SPTBN5: variants seen among roughly 807,000 people sequenced by gnomAD.
SPTBN5 encodes the protein spectrin beta, non-erythrocytic 5.
A neutral mutation model predicts 477.6 loss-of-function variants in SPTBN5; 513 were observed. The observed-to-expected ratio is 1.07, with a 90% CI of 1.00 to 1.16. SPTBN5 has a LOEUF of 1.16. Ranked by LOEUF, SPTBN5 falls within the 50% of genes most tolerant of loss-of-function variation. SPTBN5 has a pLI of 0.00. For synonymous variants in SPTBN5, 2,169 were observed against 2,011.7 expected, an observed-to-expected ratio of 1.08 and a Z score of -2.09; for missense variants, 5,062 against 4,731.8, an observed-to-expected ratio of 1.07 and a Z score of -2.05.
rs915486193 is a variant in SPTBN5, at chr15:41,852,068, C to T, written c.10584+114G>A. ...CCTAATGACCTTCAGCTCCTGTGCC[C>T]GGGCTCCCAGCACTGGCTCCAGGGT... On this transcript the variant is annotated intron_variant, in intron 62 of 67. Coordinates refer to ENST00000320955, the MANE Select transcript of SPTBN5 (RefSeq NM_016642.4). The T allele has an allele frequency of 5.5e-5, 74 of 1,342,058 alleles. No individual in the cohort carries two copies. In the African/African-American group the frequency reaches 8.9e-4, roughly 16 times the overall value. The allele number at this position is 1,342,058 out of a possible 1,614,324, so 83.1% of individuals were successfully genotyped here.
In SPTBN5 at chr15:41,857,052, A is replaced by C; in HGVS notation, c.8622-13T>G. The C allele has an allele frequency of 6.3e-7, 1 of 1,596,048 alleles. No homozygotes were observed. The highest frequency in any genetic ancestry group is 8.5e-7 in the Non-Finnish European group (1 of 1,171,880). On this transcript the variant is annotated splice_polypyrimidine_tract_variant and intron_variant, in intron 51 of 67. Transcript: ENST00000320955. ...CAGGCTCTTGAACCTGCAGCGGTGG[A>C]GGGTGGGACCAAGGGAGGCAGGGAC... is the stretch of plus-strand genomic sequence containing the variant.
rs770684341 is a variant in SPTBN5 at position 41,862,651 on chromosome 15, G to A, written c.7273C>T (p.Arg2425Cys). The A allele has an allele frequency of 2.1e-5, 33 of 1,553,344 alleles. No homozygotes were observed. In the East Asian group the frequency reaches 3.3e-4, roughly 16 times the overall value. ...CTTTGGCAGAGGCGGCCCACTTCACGCTCTAGGGACTGCGGGGGAAGCCGG... is the reference window on the plus strand; with the variant it reads ...CTTTGGCAGAGGCGGCCCACTTCACACTCTAGGGACTGCGGGGGAAGCCGG... The part of the protein sequence containing the change: ...PIQAQVESLE[R>C]EVGRLCQRSP... Residue 2425 changes from arginine to cysteine, a missense_variant, in exon 43 of 68, where the codon CGT becomes TGT. Coordinates refer to ENST00000320955, the MANE Select transcript of SPTBN5 (RefSeq NM_016642.4).
rs1462925412 is a variant in SPTBN5 at position 41,848,247 on chromosome 15, GTT to G, written c.*367_*368del. The G allele has an allele frequency of 8.1e-6, 4 of 495,284 alleles. No individual in the cohort carries two copies. The highest frequency in any genetic ancestry group is 2.2e-5 in the South Asian group (1 of 45,000). 30.7% of individuals were successfully genotyped at this position (495,284 alleles called of 1,614,324 possible). On this transcript the variant is annotated 3_prime_UTR_variant, in exon 68 of 68. Transcript: ENST00000320955. ...GCTGGTACAGAGCTCGCTCATCAGT[GTT>G]CTTCCTCCGAAGAGCACATTCTCTG...
intron 52 of SPTBN5, 96 bp downstream of exon 52, chr15:41,856,753 ACAGG>A: frequency 7.3e-7 from 1 of 1,377,978 alleles, no homozygotes; most frequent in South Asian, 1.4e-5. Context: ...AAAAGCCCCC[ACAGG>A]CAGAGAGTTC....
In SPTBN5 at chr15:41,872,426, A is replaced by C. The variant is rs963065611; in HGVS notation, c.5041T>G (p.Ser1681Ala). 2 of 1,579,530 alleles carry C rather than the reference A, an allele frequency of 1.3e-6. No individual in the cohort carries two copies. The highest frequency in any genetic ancestry group is 1.7e-6 in the Non-Finnish European group (2 of 1,163,326). ...LQEELAIYWS[S>A]MEELDQTAQT... Reference sequence around the variant, plus strand: ...GCCGTCTGGTCAAGCTCCTCCATGGAGCTCCAGTAAATGGCTAGTTCCTCC... The same window carrying C: ...GCCGTCTGGTCAAGCTCCTCCATGGCGCTCCAGTAAATGGCTAGTTCCTCC... Residue 1681 changes from serine to alanine, a missense_variant, in exon 27 of 68, where the codon TCC becomes GCC. Ser to Ala is a moderately conservative substitution (Grantham distance 99). Transcript: ENST00000320955.
At position 41,857,483 on chromosome 15, in the gene SPTBN5, C is replaced by T. The variant is rs1567188492; in HGVS notation, c.8376G>A (p.Leu2792=). 1.2e-6 allele frequency: 2 copies of T among 1,608,540 alleles called. No individual in the cohort carries two copies. The highest frequency in any genetic ancestry group is 3.3e-5 in the Admixed American group (2 of 59,804). ...TCTCCAGTTCCTCCATGCTCCGCCGCAGACGCAGGGCCTAGGGTAGAAAGT... is the reference window on the plus strand; with the variant it reads ...TCTCCAGTTCCTCCATGCTCCGCCGTAGACGCAGGGCCTAGGGTAGAAAGT... ...KLQKACEALR[L]RRSMEELENW... is the part of the protein sequence containing the mutation. Residue 2792 remains leucine (L), a synonymous_variant, in exon 51 of 68, where the codon CTG becomes CTA. Coordinates refer to ENST00000320955, the MANE Select transcript of SPTBN5 (RefSeq NM_016642.4).
intron 23 of SPTBN5, 41 bp from the exon 24 acceptor site, chr15:41,874,519 G>C (rs2066655417): frequency 1.3e-6 from 2 of 1,498,200 alleles, no homozygotes; most frequent in African/African-American, 2.8e-5. Context: ...TGGGAACAGA[G>C]TGAGCACAAG....
chr15:41,850,720 CAGTA>C (rs2065724137), intron 66 of SPTBN5, 130 bp downstream of exon 66: 1 of 782,478 alleles, frequency 1.3e-6, no homozygotes, highest in Non-Finnish European at 2.0e-6. Flanking sequence ...TGAGGAAAAA[CAGTA>C]AGTCCCACTT....
intron 28 of SPTBN5, 90 bp from the exon 29 acceptor site, chr15:41,871,610 G>C (rs2066539039): frequency 7.1e-7 from 1 of 1,415,714 alleles, no homozygotes; most frequent in Non-Finnish European, 9.3e-7. Context: ...GCCCAACTGG[G>C]TGATGTGGGC....
Position 41,878,538 on chromosome 15 carries a change from C to G in SPTBN5, c.3274G>C (p.Ala1092Pro). ...TCAGCCTGGCGCCGGGCCCGTTGGG[C>G]CACTTGTTCCTGTACTTGCTTCAGC... is the stretch of plus-strand genomic sequence containing the variant. ...GLLKQVQEQV[A>P]QRARRQAETQ... Residue 1092 changes from alanine (A) to proline (P), a missense_variant, in exon 17 of 68, where the codon GCC becomes CCC. By Grantham distance (27) the Ala-to-Pro change is conservative. Coordinates refer to ENST00000320955, the MANE Select transcript of SPTBN5 (RefSeq NM_016642.4). 6.2e-7 allele frequency: 1 copy of G among 1,612,884 alleles called. No homozygotes were observed. Among genetic ancestry groups the G allele is most frequent in the Non-Finnish European group, 8.5e-7 (1 of 1,179,716 alleles).
rs1469253689 is a variant in SPTBN5, at chr15:41,852,922, C to T, written c.10249G>A (p.Ala3417Thr). ...AGCTTCTGCAGGCCCCAGCTCTCGGCACAGCGTTGCCAGCGCAGGGCCCAA... is the reference window on the plus strand; with the variant it reads ...AGCTTCTGCAGGCCCCAGCTCTCGGTACAGCGTTGCCAGCGCAGGGCCCAA... The part of the protein sequence containing the change: ...EAWALRWQRC[A>T]ESWGLQKLRQ... The change falls in exon 60 of 68, where the codon GCC (alanine) becomes ACC (threonine). Residue 3417 changes from alanine to threonine, a missense_variant. Physicochemically the swap from Ala to Thr is moderately conservative, Grantham distance 58. Coordinates refer to ENST00000320955, the MANE Select transcript of SPTBN5 (RefSeq NM_016642.4). 6.3e-7 allele frequency: 1 copy of T among 1,596,792 alleles called. No individual in the cohort carries two copies. The highest frequency in any genetic ancestry group is 8.5e-7 in the Non-Finnish European group (1 of 1,172,262).
At chr15:41,876,060 G>A (rs2066713269) in intron 21 of SPTBN5, 54 bp downstream of exon 21, 35 of 1,563,578 alleles carry the variant, frequency 2.2e-5, no homozygotes, top group Non-Finnish European at 2.9e-5. Context: ...GGTGCAGTAG[G>A]GTTGGGAATT....
chr15:41,848,518 GGGAA>G lies in SPTBN5; in HGVS notation c.*94_*97del. ...TGGGGAACTGGGTTGAAGCAGCCAC[GGGAA>G]GGAGCCCTTTTGCCTGTAGCTGAGT... On this transcript the variant is annotated 3_prime_UTR_variant, in exon 68 of 68. Transcript: ENST00000320955. The G allele has an allele frequency of 6.9e-7, 1 of 1,451,408 alleles. No individual in the cohort carries two copies. Among genetic ancestry groups the G allele is most frequent in the Admixed American group, 1.7e-5 (1 of 59,754 alleles). 89.9% of individuals were successfully genotyped at this position (1,451,408 alleles called of 1,614,324 possible). A position where few individuals can be genotyped will look rare whatever the true frequency, so the allele number is the denominator to read the frequency against.
chr15:41,868,360 A>T (rs756380259), intron 33 of SPTBN5, 38 bp downstream of exon 33: 2 of 1,583,242 alleles, frequency 1.3e-6, no homozygotes, highest in Non-Finnish European at 1.7e-6. Flanking sequence ...AGGCTTGGTC[A>T]GCTAGGGTAT....
In SPTBN5 at chr15:41,858,593, G is replaced by A. The variant is rs1382632251; in HGVS notation, c.8226+9C>T. The A allele has an allele frequency of 6.2e-7, 1 of 1,608,330 alleles. No homozygotes were observed. Among genetic ancestry groups the A allele is most frequent in the South Asian group, 1.1e-5 (1 of 90,162 alleles). ...CTGTCCCACCACCCTCCTGCCTGCA[G>A]GGCCTCACCCGCTGCAGCTCCTGCT... On this transcript the variant is annotated intron_variant, in intron 49 of 67. Transcript: ENST00000320955.
At chr15:41,866,846 A>G in intron 36 of SPTBN5, 113 bp downstream of exon 36, 2 of 1,342,686 alleles carry the variant, frequency 1.5e-6, no homozygotes, top group Non-Finnish European at 2.0e-6. Context: ...GCCTCTGGGA[A>G]AGCCATCCAC....
At chr15:41,874,178 T>C in intron 24 of SPTBN5, 114 bp downstream of exon 24, 1 of 1,504,782 alleles carries the variant, frequency 6.6e-7, no homozygotes, top group Non-Finnish European at 9.0e-7. Flanking sequence ...GATTTGGAAA[T>C]TGGGATACCC....
intron 7 of SPTBN5, 140 bp downstream of exon 7, chr15:41,885,595 A>G (rs1248014532): frequency 9.5e-7 from 1 of 1,057,178 alleles, no homozygotes; most frequent in Non-Finnish European, 1.3e-6. Context: ...ACTGGGAGAT[A>G]GATCTTTGTA....
At chr15:41,848,892 A>AAAAAATGGCTGTCCT (rs2140904040) in intron 67 of SPTBN5, among the ~76,000 whole-genome samples, 1 of 152,310 alleles carries the variant, frequency 6.6e-6, no homozygotes, top group East Asian at 1.9e-4. Flanking sequence ...GAGACAGCAG[A>AAAAAATGGCTGTCCT]AAAAATGGCT....
Sources: gnomAD v4.1 joint callset for allele counts (sites outside exome capture counted in the v4.1 genomes callset) on GRCh38, gnomAD v4.1.1 for gene constraint, MANE v1.5 for transcripts, NCBI Gene and HGNC (gene_info 2026-07-23, HGNC 2026-07-21) for gene names.